Variants in EXOC5 observed in about 807,000 individuals in gnomAD.
EXOC5 encodes exocyst complex component 5.
In EXOC5, 17 loss-of-function variants were observed where a neutral mutation model predicts 90.8. The observed-to-expected ratio is 0.19, with a 90% CI of 0.13 to 0.28. The LOEUF (loss-of-function observed/expected upper bound fraction) is 0.28. Ranked by LOEUF, EXOC5 falls within the 10% of genes least tolerant of loss-of-function variation. EXOC5 has a pLI of 1.00. For missense variants in EXOC5, 569 were observed against 830.6 expected (o/e 0.69, Z 3.87); for synonymous variants, 260 against 270.0 (o/e 0.96, Z 0.36).
Position 57,202,521 on chromosome 14 carries a change from CTTCTG to C in EXOC5, c.*6083_*6087del, listed in dbSNP as rs879474565. ...TTTTATTTGTACAGTATTTACAACCCTTCTGTTAAGTCTGATTGTTTCAAAAATTT... is the reference window on the plus strand; with the variant it reads ...TTTTATTTGTACAGTATTTACAACCCTTAAGTCTGATTGTTTCAAAAATTT... On this transcript the variant is annotated 3_prime_UTR_variant, in exon 18 of 18. Coordinates refer to ENST00000621441, the MANE Select transcript of EXOC5 (RefSeq NM_006544.4). 3 of 152,106 alleles carry C rather than the reference CTTCTG, an allele frequency of 2.0e-5. No homozygotes were observed. The highest frequency in any genetic ancestry group is 4.8e-5 in the African/African-American group (2 of 41,424). The allele number at this position is 152,106 out of a possible 1,614,324, so 9.4% of individuals were successfully genotyped here. A position where few individuals can be genotyped will look rare whatever the true frequency, so the allele number is the denominator to read the frequency against.
At chr14:57,261,392 T>C (rs1319433171) in intron 1 of EXOC5, among the ~76,000 whole-genome samples, 3 of 152,250 alleles carry the variant, frequency 2.0e-5, no homozygotes, top group Non-Finnish European at 4.4e-5. Context: ...TTTAATGACT[T>C]GCTTATTCCA....
chr14:57,231,754 TTTTAG>T, intron 10 of EXOC5, 39 bp from the exon 11 acceptor site: 1 of 1,342,108 alleles, frequency 7.5e-7, no homozygotes, highest in Non-Finnish European at 1.0e-6. Flanking sequence ...TTAATATACA[TTTTAG>T]GTATAGTAAC....
chr14:57,210,132 T>C, intron 15 of EXOC5, 71 bp from the exon 16 acceptor site: 1 of 664,382 alleles, frequency 1.5e-6, no homozygotes, highest in Non-Finnish European at 2.6e-6. Flanking sequence ...ATTATATTAT[T>C]TATGCTAAAT....
chr14:57,257,834 C>T (rs1366202560), intron 1 of EXOC5, among the ~76,000 whole-genome samples: 1 of 152,102 alleles, frequency 6.6e-6, no homozygotes, highest in Non-Finnish European at 1.5e-5. Context: ...TGACCAAGTC[C>T]TCCCAAAAGA....
intron 12 of EXOC5, among the ~76,000 whole-genome samples, chr14:57,227,656 A>G (rs550471680): frequency 1.3e-5 from 2 of 152,280 alleles, no homozygotes; most frequent in South Asian, 2.1e-4. Context: ...AACCTAATGA[A>G]TAAGTTGCAT....
At chr14:57,218,199 A>AAC (rs1162084912) in intron 14 of EXOC5, 131 bp from the exon 15 acceptor site, 5 of 484,886 alleles carry the variant, frequency 1.0e-5, no homozygotes, top group Non-Finnish European at 1.8e-5. Context: ...TAATATTGTT[A>AAC]ACAAATCCAA....
At chr14:57,268,445 C>A in intron 1 of EXOC5, 177 bp downstream of exon 1, 1 of 1,477,966 alleles carries the variant, frequency 6.8e-7, no homozygotes, top group Non-Finnish European at 9.0e-7. Flanking sequence ...AAGCACCCCT[C>A]CCCCATTTCA....
Position 57,236,821 on chromosome 14 carries a change from G to A in EXOC5, c.559+517C>T, listed in dbSNP as rs577348804. ...AGTGGTCTTTTCAAAAACCTAGAAT[G>A]ATCTAACCTAAACTAAAATCCAAGA... On this transcript the variant is annotated intron_variant, in intron 6 of 17. Transcript: ENST00000621441. Among the ~76,000 whole-genome samples, 17 of 151,756 alleles carry A rather than the reference G, an allele frequency of 1.1e-4. No homozygotes were observed. The South Asian group carries it at 3.5e-3, about 32-fold the overall frequency.
chr14:57,212,438 A>G (rs1016036700), intron 15 of EXOC5, among the ~76,000 whole-genome samples: 3 of 152,208 alleles, frequency 2.0e-5, no homozygotes, highest in Admixed American at 2.0e-4. Context: ...TGAAACAATG[A>G]AGATGCAAGC....
rs139358346 is a variant in EXOC5 at position 57,213,256 on chromosome 14, G to A, written c.1614-3195C>T. On this transcript the variant is annotated intron_variant, in intron 15 of 17. Transcript: ENST00000621441. ...AAATGGCTGGGTATGGTGGTGTGCA[G>A]CTGTGGTCCTAGCTACTCAAGAAGC... is the stretch of plus-strand genomic sequence containing the variant. Among the ~76,000 whole-genome samples, 85 of 152,142 alleles carry A rather than the reference G, an allele frequency of 5.6e-4. 1 individual carries two copies. The East Asian group carries it at 0.014, about 24-fold the overall frequency.
At position 57,203,370 on chromosome 14, in the gene EXOC5, G is replaced by A. The variant is rs1882557266; in HGVS notation, c.*5239C>T. ...TTAAGATTACAGGGGCATCAGGAAG[G>A]CTTCTCACCTCTCAAAGTTTAATCT... On this transcript the variant is annotated 3_prime_UTR_variant, in exon 18 of 18. Transcript: ENST00000621441. 6.6e-6 allele frequency: 1 copy of A among 152,200 alleles called. No individual in the cohort carries two copies. The highest frequency in any genetic ancestry group is 2.1e-4 in the South Asian group (1 of 4,832). The allele number at this position is 152,200 out of a possible 1,614,324, so 9.4% of individuals were successfully genotyped here.
At chr14:57,228,753 G>A (rs2139631451) in intron 12 of EXOC5, among the ~76,000 whole-genome samples, 1 of 151,342 alleles carries the variant, frequency 6.6e-6, no homozygotes, top group South Asian at 2.1e-4. Context: ...AATACCTAAT[G>A]TAGATGAGGA....
intron 11 of EXOC5, among the ~76,000 whole-genome samples, chr14:57,230,751 A>C (rs917694483): frequency 6.6e-6 from 1 of 152,086 alleles, no homozygotes; most frequent in African/African-American, 2.4e-5. Context: ...GTAGGCATTA[A>C]GGTATTAATT....
intron 4 of EXOC5, among the ~76,000 whole-genome samples, chr14:57,241,746 G>A (rs1883864283): frequency 1.3e-5 from 2 of 152,180 alleles, no homozygotes; most frequent in South Asian, 4.1e-4. Flanking sequence ...ACATTTGGGT[G>A]AGGTGAGAGA....
chr14:57,209,254 T>C (rs1343874443), intron 17 of EXOC5, among the ~76,000 whole-genome samples: 2 of 151,960 alleles, frequency 1.3e-5, no homozygotes, highest in African/African-American at 4.8e-5. Context: ...GGGCCAGATG[T>C]GGTGGCTCAT....
chr14:57,244,172 G>A lies in EXOC5; in HGVS notation c.458C>T (p.Ser153Phe). ...TCCTCTGACAGCACTTACCTTTTCA[G>A]AATTTGTAAAAACATCAGATTTCAA... ...GELKSDVFTN[S>F]EKIKEAADII... Residue 153 changes from serine to phenylalanine, a missense_variant, in exon 4 of 18, where the codon TCT becomes TTT. Around this residue, in one of 9 missense-constraint regions of EXOC5, gnomAD observed 97 missense variants for 177.9 expected, o/e 0.55. Coordinates refer to ENST00000621441, the MANE Select transcript of EXOC5 (RefSeq NM_006544.4). 2 of 1,611,138 alleles carry A rather than the reference G, an allele frequency of 1.2e-6. No homozygotes were observed. Among genetic ancestry groups the A allele is most frequent in the South Asian group, 1.1e-5 (1 of 90,960 alleles).
intron 12 of EXOC5, among the ~76,000 whole-genome samples, chr14:57,224,130 A>G (rs908600547): frequency 9.2e-5 from 14 of 151,918 alleles, no homozygotes; most frequent in African/African-American, 3.1e-4. Flanking sequence ...TCTCAAATCA[A>G]TGACCTCAGC....
rs373340311 is a variant in EXOC5, at chr14:57,233,930, G to T, written c.715-47C>A. 193 of 1,595,998 alleles carry T rather than the reference G, an allele frequency of 1.2e-4. 1 individual carries two copies. The highest frequency in any genetic ancestry group is 1.5e-4 in the Non-Finnish European group (173 of 1,164,846). On this transcript the variant is annotated intron_variant, in intron 8 of 17. Transcript: ENST00000621441. ...TACAGTGAACATATAATTTCTACAT[G>T]ATTTTAAAACAACAATTAGCATAAA...
At chr14:57,223,060 A>T (rs947797010) in intron 12 of EXOC5, among the ~76,000 whole-genome samples, 1 of 152,034 alleles carries the variant, frequency 6.6e-6, no homozygotes, top group African/African-American at 2.4e-5. Context: ...CCATGCCTCA[A>T]TTTCTTCATT....
Sources: gnomAD v4.1 joint callset for allele counts (sites outside exome capture counted in the v4.1 genomes callset) on GRCh38, gnomAD v4.1.1 for gene constraint, gnomAD v4.1.1 regional missense constraint, MANE v1.5 for transcripts, NCBI Gene and HGNC (gene_info 2026-07-23, HGNC 2026-07-21) for gene names.